Variants in NETO2 observed in about 807,000 individuals in gnomAD.
NETO2 encodes neuropilin and tolloid-like protein 2.
Under a neutral mutation model 62.5 loss-of-function variants are expected in NETO2, and 28 were observed. The ratio of observed to expected loss-of-function variants is 0.45; its 90% confidence interval spans 0.33 to 0.61. The LOEUF (loss-of-function observed/expected upper bound fraction) is 0.61, where lower values mean the gene tolerates loss of function less well. Ranked by LOEUF, NETO2 falls within the 20% of genes least tolerant of loss-of-function variation. NETO2 has a pLI of 0.02. For synonymous variants in NETO2, 214 were observed against 219.1 expected (o/e 0.98, Z 0.21); for missense variants, 548 against 643.2 (o/e 0.85, Z 1.60).
chr16:47,140,873 T>C (rs1384839238), intron 1 of NETO2, among the ~76,000 whole-genome samples: 1 of 152,232 alleles, frequency 6.6e-6, no homozygotes, highest in Non-Finnish European at 1.5e-5. Context: ...TTTCTACAGC[T>C]TGAAATATTG....
chr16:47,083,818 A>T lies in NETO2; in HGVS notation c.998-17T>A, dbSNP rs1286597610. On this transcript the variant is annotated splice_polypyrimidine_tract_variant and intron_variant, in intron 8 of 8. Coordinates refer to ENST00000562435, the MANE Select transcript of NETO2 (RefSeq NM_018092.5). ...TTTTCTTTTCTGCAGAAAGAAAATG[A>T]GAAACGTTAAGTTTTCAAAATACAT... 3 of 1,536,598 alleles carry T rather than the reference A, an allele frequency of 2.0e-6. No individual in the cohort carries two copies. The highest frequency in any genetic ancestry group is 2.6e-6 in the Non-Finnish European group (3 of 1,133,290).
intron 6 of NETO2, among the ~76,000 whole-genome samples, chr16:47,118,448 T>C (rs1173392497): frequency 2.0e-5 from 3 of 152,184 alleles, no homozygotes; most frequent in Non-Finnish European, 2.9e-5. Flanking sequence ...GTCTCCTCTA[T>C]CTAGTTCCTC....
At chr16:47,107,370 C>T (rs1655185321) in intron 7 of NETO2, among the ~76,000 whole-genome samples, 1 of 152,152 alleles carries the variant, frequency 6.6e-6, no homozygotes, top group Admixed American at 6.5e-5. Flanking sequence ...GAAATATAAA[C>T]CACTAGCCTG....
At chr16:47,110,872 T>TA (rs1242239430) in intron 6 of NETO2, among the ~76,000 whole-genome samples, 1 of 152,028 alleles carries the variant, frequency 6.6e-6, no homozygotes, top group Non-Finnish European at 1.5e-5. Context: ...AAATATAGCT[T>TA]AAAGAATTAC....
rs986065025 is a variant in NETO2, at chr16:47,119,407, TC to T, written c.654+3249del. On this transcript the variant is annotated intron_variant, in intron 6 of 8. Coordinates refer to ENST00000562435, the MANE Select transcript of NETO2 (RefSeq NM_018092.5). ...ACCTCGTGATCTGCCTGCCTCGGCC[TC>T]CCAAAGTGCTGGGATTACAGGCGTG... 6.0e-4 allele frequency among the ~76,000 whole-genome samples: 92 copies of T among 152,242 alleles called. 1 individual carries two copies. The highest frequency in any genetic ancestry group is 2.0e-3 in the African/African-American group (85 of 41,554).
intron 4 of NETO2, among the ~76,000 whole-genome samples, chr16:47,126,207 C>A (rs968500904): frequency 1.3e-5 from 2 of 152,154 alleles, no homozygotes; most frequent in African/African-American, 4.8e-5. Flanking sequence ...ACATGAATAG[C>A]AGCTTTATTC....
chr16:47,100,924 A>T (rs1596712644), intron 7 of NETO2, among the ~76,000 whole-genome samples: 1 of 152,230 alleles, frequency 6.6e-6, no homozygotes, highest in East Asian at 1.9e-4. Flanking sequence ...AACAACAGAA[A>T]AGAGGGACTT....
rs992645761 is a variant in NETO2 at position 47,082,449 on chromosome 16, T to C, written c.*772A>G. 2 of 152,274 alleles carry C rather than the reference T, an allele frequency of 1.3e-5. No homozygotes were observed. The highest frequency in any genetic ancestry group is 3.8e-4 in the East Asian group (2 of 5,208). The allele number at this position is 152,274 out of a possible 1,614,324, so 9.4% of individuals were successfully genotyped here. ...ACTTCAAAGGCTTGCTAGAAATTTT[T>C]ATCTTTTTCAAATTTTTAGTCATAG... On this transcript the variant is annotated 3_prime_UTR_variant, in exon 9 of 9. Transcript: ENST00000562435.
At chr16:47,129,165 A>G (rs553945179) in intron 3 of NETO2, 59 bp downstream of exon 3, 882 of 1,524,990 alleles carry the variant, frequency 5.8e-4, no homozygotes, top group Non-Finnish European at 7.5e-4. Context: ...CATTTTACCA[A>G]CATATTTAGT....
intron 7 of NETO2, among the ~76,000 whole-genome samples, chr16:47,107,024 C>T (rs756694672): frequency 5.3e-5 from 8 of 152,108 alleles, no homozygotes; most frequent in East Asian, 1.9e-4. Context: ...TCAAGTGATC[C>T]GCCGACCTTG....
intron 7 of NETO2, among the ~76,000 whole-genome samples, chr16:47,086,966 GAAATT>G: frequency 6.6e-6 from 1 of 151,972 alleles, no homozygotes; most frequent in East Asian, 1.9e-4. Flanking sequence ...AAAAAGAAAT[GAAATT>G]ATGATACATA....
At chr16:47,102,484 T>C (rs895151300) in intron 7 of NETO2, among the ~76,000 whole-genome samples, 1 of 151,460 alleles carries the variant, frequency 6.6e-6, no homozygotes, top group East Asian at 1.9e-4. Context: ...AAGAAACTAT[T>C]ATCACAGTGA....
At chr16:47,090,110 A>AC (rs896888976) in intron 7 of NETO2, among the ~76,000 whole-genome samples, 46 of 149,250 alleles carry the variant, frequency 3.1e-4, no homozygotes, top group Admixed American at 6.7e-4. Context: ...ACATCATGTG[A>AC]CCCCCCCCTT....
At chr16:47,089,712 T>A (rs1044447362) in intron 7 of NETO2, among the ~76,000 whole-genome samples, 2 of 152,174 alleles carry the variant, frequency 1.3e-5, no homozygotes, top group Non-Finnish European at 2.9e-5. Context: ...TGGTGTTTTA[T>A]TCACTTTACA....
intron 7 of NETO2, among the ~76,000 whole-genome samples, chr16:47,096,620 A>G (rs181304736): frequency 6.6e-5 from 10 of 152,332 alleles, no homozygotes; most frequent in African/African-American, 2.4e-4. Context: ...TAGGCCTAAA[A>G]CTAGCAAGGA....
At chr16:47,090,278 G>C (rs1419044501) in intron 7 of NETO2, among the ~76,000 whole-genome samples, 2 of 152,114 alleles carry the variant, frequency 1.3e-5, no homozygotes, top group Admixed American at 1.3e-4. Context: ...AAACAGCACT[G>C]ATATTGTCAG....
intron 7 of NETO2, among the ~76,000 whole-genome samples, chr16:47,101,205 GC>G (rs1180249308): frequency 6.6e-6 from 1 of 152,088 alleles, no homozygotes; most frequent in Non-Finnish European, 1.5e-5. Flanking sequence ...CTCAATAGAC[GC>G]AGAAAAGGCC....
rs552292619 is a variant in NETO2 at position 47,112,869 on chromosome 16, ATTGT to A, written c.655-3162_655-3159del. On this transcript the variant is annotated intron_variant, in intron 6 of 8. Coordinates refer to ENST00000562435, the MANE Select transcript of NETO2 (RefSeq NM_018092.5). The stretch of plus-strand genomic sequence containing the variant: ...CAATGAAGAATGAGATCTAATAAAT[ATTGT>A]TTAATTTCACTTAAAGCACACTTAA... Among the ~76,000 whole-genome samples, 458 of 152,358 alleles carry A rather than the reference ATTGT, an allele frequency of 3.0e-3. 2 individuals carry two copies. Among genetic ancestry groups the A allele is most frequent in the African/African-American group, 0.01 (426 of 41,578 alleles).
At chr16:47,095,247 T>C (rs1478157483) in intron 7 of NETO2, among the ~76,000 whole-genome samples, 1 of 151,664 alleles carries the variant, frequency 6.6e-6, no homozygotes, top group African/African-American at 2.4e-5. Flanking sequence ...TCAAAACTTG[T>C]CACTACAAAA....
Sources: allele counts gnomAD v4.1 joint callset (sites outside exome capture counted in the v4.1 genomes callset), GRCh38; gene constraint gnomAD v4.1.1; transcripts MANE v1.5; gene names NCBI Gene and HGNC (gene_info 2026-07-23, HGNC 2026-07-21).